Variants in SPTBN1 observed in about 807,000 individuals in gnomAD.
SPTBN1 encodes the protein spectrin beta chain, non-erythrocytic 1.
A neutral mutation model predicts 266.4 loss-of-function variants in SPTBN1; 32 were observed. The ratio of observed to expected loss-of-function variants is 0.12; its 90% confidence interval spans 0.09 to 0.16. The LOEUF is 0.16. Ranked by LOEUF, SPTBN1 falls within the 10% of genes least tolerant of loss-of-function variation. SPTBN1 has a pLI of 1.00. For missense variants in SPTBN1, 2,296 were observed against 3,067.1 expected (o/e 0.75, Z 5.94); for synonymous variants, 1,336 against 1,162.2 (o/e 1.15, Z -3.04).
In SPTBN1 at chr2:54,653,962, A is replaced by G. The variant is rs1455877694; in HGVS notation, c.5822+109A>G. On this transcript the variant is annotated intron_variant, in intron 27 of 35. Coordinates refer to ENST00000356805, the MANE Select transcript of SPTBN1 (RefSeq NM_003128.3). This position sits in a 1 kb window ranked among gnomAD's most constrained non-coding sequence, Gnocchi z 5.1. Reference sequence around the variant, plus strand: ...GAAAGCGTTCCTGCCTGAGCGCTTCAAGGCCAGAGTGGGGGTGGGGCGGTG... The same window carrying G: ...GAAAGCGTTCCTGCCTGAGCGCTTCGAGGCCAGAGTGGGGGTGGGGCGGTG... 1 of 1,494,302 alleles carries G rather than the reference A, an allele frequency of 6.7e-7. No homozygotes were observed. Among genetic ancestry groups the G allele is most frequent in the Non-Finnish European group, 8.9e-7 (1 of 1,119,388 alleles). 92.6% of individuals were successfully genotyped at this position (1,494,302 alleles called of 1,614,324 possible). A position where few individuals can be genotyped will look rare whatever the true frequency, so the allele number is the denominator to read the frequency against.
At chr2:54,639,637 G>A (rs1558457731) in intron 18 of SPTBN1, among the ~76,000 whole-genome samples, 1 of 152,240 alleles carries the variant, frequency 6.6e-6, no homozygotes, top group Non-Finnish European at 1.5e-5. Context: ...GGAAAAGTAA[G>A]TAGATAAAGT....
intron 3 of SPTBN1, among the ~76,000 whole-genome samples, chr2:54,605,374 A>G (rs1676771711): frequency 6.6e-6 from 1 of 152,136 alleles, no homozygotes; most frequent in Non-Finnish European, 1.5e-5. Flanking sequence ...CATCCTAACT[A>G]GCTGGTAGAT....
At chr2:54,607,650 G>A (rs972721077) in intron 3 of SPTBN1, among the ~76,000 whole-genome samples, 2 of 152,102 alleles carry the variant, frequency 1.3e-5, no homozygotes, top group Admixed American at 1.3e-4. Flanking sequence ...TTTTAAAGTA[G>A]ATGGGAGGAT....
At chr2:54,505,025 A>T (rs1315844620) in intron 1 of SPTBN1, among the ~76,000 whole-genome samples, 1 of 152,172 alleles carries the variant, frequency 6.6e-6, no homozygotes, top group Non-Finnish European at 1.5e-5. Context: ...ATATGACAAC[A>T]CCCCAAACAA....
chr2:54,463,380 G>A (rs1693465729), intron 1 of SPTBN1, among the ~76,000 whole-genome samples: 1 of 152,230 alleles, frequency 6.6e-6, no homozygotes, highest in Non-Finnish European at 1.5e-5. Context: ...CTTTAAACAT[G>A]TTTGAGTTTG....
chr2:54,596,299 C>T (rs753208694), intron 2 of SPTBN1, among the ~76,000 whole-genome samples: 78 of 152,316 alleles, frequency 5.1e-4, no homozygotes, highest in Non-Finnish European at 9.3e-4. Flanking sequence ...AGGAGGGAGT[C>T]CCCAAGGACC....
intron 1 of SPTBN1, among the ~76,000 whole-genome samples, chr2:54,494,819 A>G (rs1305885221): frequency 6.6e-6 from 1 of 152,122 alleles, no homozygotes; most frequent in East Asian, 1.9e-4. Flanking sequence ...TGTTGATGGC[A>G]ATGATGGTTT....
At chr2:54,467,343 A>T (rs1345744651) in intron 1 of SPTBN1, among the ~76,000 whole-genome samples, 1 of 152,096 alleles carries the variant, frequency 6.6e-6, no homozygotes, top group African/African-American at 2.4e-5. Flanking sequence ...TTGATCTGTG[A>T]TGTTTAAACA....
intron 2 of SPTBN1, among the ~76,000 whole-genome samples, chr2:54,574,389 A>G (rs1674312957): frequency 6.6e-6 from 1 of 152,128 alleles, no homozygotes; most frequent in Non-Finnish European, 1.5e-5. Context: ...GGGATCATTT[A>G]GGTGTGGCAG....
At chr2:54,556,895 C>T (rs1434938487) in intron 2 of SPTBN1, among the ~76,000 whole-genome samples, 2 of 152,158 alleles carry the variant, frequency 1.3e-5, no homozygotes, top group East Asian at 1.9e-4. Flanking sequence ...AATTAAGAGG[C>T]TTGGCCAGGA....
chr2:54,533,761 G>A lies in SPTBN1; in HGVS notation c.148+7195G>A, dbSNP rs1279169927. On this transcript the variant is annotated intron_variant, in intron 2 of 35. Coordinates refer to ENST00000356805, the MANE Select transcript of SPTBN1 (RefSeq NM_003128.3). This position sits in a 1 kb window ranked among gnomAD's most constrained non-coding sequence, Gnocchi z 4.2. The stretch of plus-strand genomic sequence containing the variant: ...AGACGGGGTTTCACCATGTTGGCCA[G>A]GCTGGTCTCGAACTCCTGACCCCAG... Among the ~76,000 whole-genome samples, 1 of 152,146 alleles carries A rather than the reference G, an allele frequency of 6.6e-6. No homozygotes were observed. The highest frequency in any genetic ancestry group is 2.4e-5 in the African/African-American group (1 of 41,422).
chr2:54,473,342 G>T (rs1210663408), intron 1 of SPTBN1, among the ~76,000 whole-genome samples: 1 of 152,098 alleles, frequency 6.6e-6, no homozygotes, highest in East Asian at 1.9e-4. Context: ...TGCGTGTGTG[G>T]GCAGCTTCTT....
chr2:54,463,154 G>A (rs1030986273), intron 1 of SPTBN1, among the ~76,000 whole-genome samples: 4 of 151,994 alleles, frequency 2.6e-5, no homozygotes, highest in Non-Finnish European at 5.9e-5. Flanking sequence ...GAGGAGAGAT[G>A]GGAAAATGGT....
intron 17 of SPTBN1, 39 bp downstream of exon 17, chr2:54,632,807 T>TG: frequency 6.2e-7 from 1 of 1,602,432 alleles, no homozygotes; most frequent in South Asian, 1.1e-5. Context: ...CCTTGCACCT[T>TG]GGGGCTCTCA....
rs929126274 is a variant in SPTBN1, at chr2:54,653,004, A to T, written c.5578-605A>T. ...TCCATTTACCAAATCACAATTCTCAATGTATATTTTTAGTTTTGCAAGGTT... is the reference window on the plus strand; with the variant it reads ...TCCATTTACCAAATCACAATTCTCATTGTATATTTTTAGTTTTGCAAGGTT... On this transcript the variant is annotated intron_variant, in intron 26 of 35. Coordinates refer to ENST00000356805, the MANE Select transcript of SPTBN1 (RefSeq NM_003128.3). This position sits in a 1 kb window ranked among gnomAD's most constrained non-coding sequence, Gnocchi z 5.1. 2 of 152,160 alleles carry T rather than the reference A, an allele frequency of 1.3e-5. No homozygotes were observed. The highest frequency in any genetic ancestry group is 2.4e-5 in the African/African-American group (1 of 41,418). The allele number at this position is 152,160 out of a possible 1,614,324, so 9.4% of individuals were successfully genotyped here. A position where few individuals can be genotyped will look rare whatever the true frequency, so the allele number is the denominator to read the frequency against.
chr2:54,466,149 C>G (rs375606022), intron 1 of SPTBN1, among the ~76,000 whole-genome samples: 1 of 152,082 alleles, frequency 6.6e-6, no homozygotes, highest in Admixed American at 6.6e-5. Context: ...GCTCTAGAAT[C>G]GAGAATGCCC....
chr2:54,495,286 C>T (rs953434110), intron 1 of SPTBN1, among the ~76,000 whole-genome samples: 1 of 152,278 alleles, frequency 6.6e-6, no homozygotes, highest in African/African-American at 2.4e-5. Context: ...AAAATCAACT[C>T]GGCTTTGCCC....
chr2:54,515,204 C>T (rs1670051892), intron 1 of SPTBN1, among the ~76,000 whole-genome samples: 1 of 152,158 alleles, frequency 6.6e-6, no homozygotes. Flanking sequence ...CTGTATTCAT[C>T]TCCACCCCTA....
At chr2:54,514,081 T>C (rs1266286464) in intron 1 of SPTBN1, among the ~76,000 whole-genome samples, 1 of 152,350 alleles carries the variant, frequency 6.6e-6, no homozygotes, top group Non-Finnish European at 1.5e-5. Context: ...TAAAGAATTT[T>C]CTTCTCAGGG....
Sources: gnomAD v4.1 joint callset for allele counts (sites outside exome capture counted in the v4.1 genomes callset) on GRCh38, gnomAD v4.1.1 for gene constraint, Gnocchi (gnomAD v3.1) non-coding constraint, MANE v1.5 for transcripts, NCBI Gene and HGNC (gene_info 2026-07-23, HGNC 2026-07-21) for gene names.